The following HMGB1 variants were observed in gnomAD, a reference collection of about 807,000 sequenced individuals.
HMGB1 encodes high mobility group protein B1.
For synonymous variants in HMGB1, 81 were observed against 84.0 expected, an observed-to-expected ratio of 0.96 and a Z score of 0.19; for missense variants, 79 against 253.5, an observed-to-expected ratio of 0.31 and a Z score of 4.67.
intron 1 of HMGB1, among the ~76,000 whole-genome samples, chr13:30,594,139 G>A (rs1212082085): frequency 6.6e-6 from 1 of 152,210 alleles, no homozygotes; most frequent in Non-Finnish European, 1.5e-5. Flanking sequence ...TGTATTAGCG[G>A]AAGAGAGCAA....
chr13:30,538,573 T>TTTC (rs1184801441), intron 1 of HMGB1, among the ~76,000 whole-genome samples: 1 of 87,934 alleles, frequency 1.1e-5, no homozygotes, highest in African/African-American at 1.1e-4. Context: ...CTTCTTTTTC[T>TTTC]TTCTTTCTTT....
At chr13:30,525,789 T>C (rs180845104) in intron 1 of HMGB1, among the ~76,000 whole-genome samples, 207 of 151,518 alleles carry the variant, frequency 1.4e-3, no homozygotes, top group Middle Eastern at 3.4e-3. Context: ...AAATGGCCCC[T>C]GTGATTCAAT....
In HMGB1 at chr13:30,556,871, T is replaced by C. The variant is rs1381248158; in HGVS notation, c.-15+59800A>G. ...CTATAGTTAATAATAATACAATATATAGTTTCAAATAGCTGGAAGGATATT... is the reference window on the plus strand; with the variant it reads ...CTATAGTTAATAATAATACAATATACAGTTTCAAATAGCTGGAAGGATATT... On this transcript the variant is annotated intron_variant, in intron 1 of 4. Coordinates refer to the HMGB1 transcript ENST00000405805. Among the ~76,000 whole-genome samples, 8 of 152,148 alleles carry C rather than the reference T, an allele frequency of 5.3e-5. 1 individual carries two copies. Among genetic ancestry groups the C allele is most frequent in the Non-Finnish European group, 4.4e-5 (3 of 68,020 alleles).
intron 1 of HMGB1, among the ~76,000 whole-genome samples, chr13:30,602,809 T>C (rs1245869271): frequency 1.3e-5 from 2 of 152,166 alleles, no homozygotes; most frequent in African/African-American, 4.8e-5. Flanking sequence ...GAGAAACACA[T>C]TAGCAGTCTC....
intron 1 of HMGB1, among the ~76,000 whole-genome samples, chr13:30,524,522 G>A (rs745371177): frequency 1.2e-4 from 18 of 151,520 alleles, no homozygotes; most frequent in Admixed American, 2.0e-4. Flanking sequence ...AATGCAGGAG[G>A]AACTACCAAA....
At chr13:30,493,044 C>G (rs924202608) in intron 1 of HMGB1, among the ~76,000 whole-genome samples, 1 of 151,212 alleles carries the variant, frequency 6.6e-6, no homozygotes, top group African/African-American at 2.4e-5. Flanking sequence ...GCCATTCAAC[C>G]TCGTCGTTCT....
intron 1 of HMGB1, among the ~76,000 whole-genome samples, chr13:30,492,874 C>G (rs1193493224): frequency 6.6e-6 from 1 of 151,476 alleles, no homozygotes; most frequent in African/African-American, 2.4e-5. Flanking sequence ...GCCTGTAGTC[C>G]CAGCTACTCA....
intron 1 of HMGB1, among the ~76,000 whole-genome samples, chr13:30,521,560 T>C (rs1593288846): frequency 1.3e-5 from 2 of 152,252 alleles, no homozygotes; most frequent in East Asian, 1.9e-4. Context: ...CATATCCTTT[T>C]ATTGTTGAAT....
At chr13:30,486,311 G>A (rs1046994510) in intron 1 of HMGB1, among the ~76,000 whole-genome samples, 13 of 152,176 alleles carry the variant, frequency 8.5e-5, no homozygotes, top group African/African-American at 3.1e-4. Context: ...GCACTGGCTG[G>A]TTCACTTTGC....
At chr13:30,610,153 A>G (rs1439787401) in intron 1 of HMGB1, among the ~76,000 whole-genome samples, 1 of 152,232 alleles carries the variant, frequency 6.6e-6, no homozygotes, top group Non-Finnish European at 1.5e-5. Context: ...CACATATGAC[A>G]TACAAAATAC....
At chr13:30,491,241 G>A (rs1407723264) in intron 1 of HMGB1, among the ~76,000 whole-genome samples, 2 of 152,020 alleles carry the variant, frequency 1.3e-5, no homozygotes, top group Admixed American at 1.3e-4. Context: ...TGTTAGCCAG[G>A]CTGGTCTTGA....
intron 1 of HMGB1, among the ~76,000 whole-genome samples, chr13:30,586,827 G>C (rs1315720107): frequency 6.6e-6 from 1 of 151,850 alleles, no homozygotes; most frequent in South Asian, 2.1e-4. Flanking sequence ...ACTTTTAATA[G>C]GCATCTCAAA....
At position 30,538,597 on chromosome 13, in the gene HMGB1, CTTT is replaced by C. The variant is rs1278767957; in HGVS notation, c.-14-74906_-14-74904del. ...CTTTCTTTCTTTCTTTTTCTTTCTT[CTTT>C]TTCTTTCTTTCTCTTTCTCTCTCTC... On this transcript the variant is annotated intron_variant, in intron 1 of 4. Transcript: ENST00000405805. Among the ~76,000 whole-genome samples the C allele has an allele frequency of 1.7e-4, 18 of 104,000 alleles. 1 individual carries two copies. The highest frequency in any genetic ancestry group is 1.4e-3 in the East Asian group (5 of 3,570). The allele number at this position is 104,000 out of a possible 152,430, so 68.2% of individuals were successfully genotyped here. A position where few individuals can be genotyped will look rare whatever the true frequency, so the allele number is the denominator to read the frequency against.
intron 1 of HMGB1, among the ~76,000 whole-genome samples, chr13:30,524,348 A>G (rs1207478652): frequency 3.4e-4 from 20 of 58,800 alleles, no homozygotes; most frequent in African/African-American, 1.1e-3. Context: ...AAAAAAAAAA[A>G]AAAAAAAAAG....
At chr13:30,470,343 T>G (rs76498459), upstream of HMGB1, among the ~76,000 whole-genome samples, 4,010 of 152,290 alleles carry the variant, frequency 0.026, 126 homozygotes, top group African/African-American at 0.08. Flanking sequence ...CTAAAAGCAT[T>G]TAGGTCTTTC....
upstream of HMGB1, among the ~76,000 whole-genome samples, chr13:30,468,126 T>C (rs959237084): frequency 2.0e-5 from 3 of 152,224 alleles, no homozygotes; most frequent in Non-Finnish European, 4.4e-5. Flanking sequence ...TTTTAATGTT[T>C]AAAATTATAT....
chr13:30,597,439 C>T (rs114867680), intron 1 of HMGB1, among the ~76,000 whole-genome samples: 2,822 of 152,242 alleles, frequency 0.019, 87 homozygotes, highest in African/African-American at 0.064. Context: ...GTCTTCAGAA[C>T]CGTAAGAAAA....
At position 30,559,154 on chromosome 13, in the gene HMGB1, G is replaced by A. The variant is rs967225202; in HGVS notation, c.-15+57517C>T. Among the ~76,000 whole-genome samples, 3 of 151,902 alleles carry A rather than the reference G, an allele frequency of 2.0e-5. No homozygotes were observed. The highest frequency in any genetic ancestry group is 2.4e-5 in the African/African-American group (1 of 41,270). ...TACATTGCCAAATGTACCTGGGGTG[G>A]GGGGTGCGGGTGGAGGAAAAATTGC... On this transcript the variant is annotated intron_variant, in intron 1 of 4. Transcript: ENST00000405805. The surrounding 1 kb of genome is among the most constrained non-coding windows in gnomAD (Gnocchi z 6.6).
At chr13:30,545,171 G>A (rs376453546) in intron 1 of HMGB1, among the ~76,000 whole-genome samples, 6 of 152,108 alleles carry the variant, frequency 3.9e-5, no homozygotes, top group African/African-American at 7.2e-5. Context: ...ATTTGAGAGC[G>A]AGGCATTTAA....
Sources: gnomAD v4.1 joint callset for allele counts (sites outside exome capture counted in the v4.1 genomes callset) on GRCh38, gnomAD v4.1.1 for gene constraint, Gnocchi (gnomAD v3.1) non-coding constraint, MANE v1.5 for transcripts, NCBI Gene and HGNC (gene_info 2026-07-23, HGNC 2026-07-21) for gene names.